Variants in SLC44A5 observed in about 807,000 individuals in gnomAD.
The protein encoded by SLC44A5 is choline transporter-like protein 5.
A neutral mutation model predicts 101.8 loss-of-function variants in SLC44A5; 57 were observed. The observed-to-expected ratio is 0.56, with a 90% CI of 0.45 to 0.70. The LOEUF is 0.70. Ranked by LOEUF, SLC44A5 falls within the 30% of genes least tolerant of loss-of-function variation. The pLI, the probability that SLC44A5 is intolerant of heterozygous loss-of-function variation, is 0.00. For missense variants in SLC44A5, 737 were observed against 853.1 expected (o/e 0.86, Z 1.70); for synonymous variants, 281 against 290.9 (o/e 0.97, Z 0.35).
the SLC44A5 span, among the ~76,000 whole-genome samples, chr1:75,622,206 A>T: frequency 2.0e-5 from 3 of 152,078 alleles, no homozygotes; most frequent in Non-Finnish European, 2.9e-5. Flanking sequence ...GAAGGGCTTA[A>T]ATGCAAATTC....
chr1:75,399,578 CA>C (rs1355943800), intron 2 of SLC44A5, among the ~76,000 whole-genome samples: 10 of 151,706 alleles, frequency 6.6e-5, no homozygotes. Flanking sequence ...TGTTGGGGGA[CA>C]ATTGGGGCAA....
the SLC44A5 span, among the ~76,000 whole-genome samples, chr1:75,638,397 T>A: frequency 6.6e-6 from 1 of 152,068 alleles, no homozygotes; most frequent in Admixed American, 6.6e-5. Flanking sequence ...AGTGTTAATA[T>A]GTATTAAAGT....
At chr1:75,530,118 A>G (rs1390601567) in intron 2 of SLC44A5, among the ~76,000 whole-genome samples, 4 of 152,150 alleles carry the variant, frequency 2.6e-5, no homozygotes, top group African/African-American at 7.2e-5. Context: ...GGTAATAAGA[A>G]ATAAAGAAAG....
At chr1:75,223,575 C>T (rs963977578) in intron 13 of SLC44A5, among the ~76,000 whole-genome samples, 1 of 152,162 alleles carries the variant, frequency 6.6e-6, no homozygotes, top group African/African-American at 2.4e-5. Flanking sequence ...TTAATGGAAA[C>T]TTAAATTCCC....
At chr1:75,324,354 A>C (rs1419897324) in intron 4 of SLC44A5, among the ~76,000 whole-genome samples, 1 of 152,198 alleles carries the variant, frequency 6.6e-6, no homozygotes, top group Admixed American at 6.6e-5. Flanking sequence ...AATAAGAAAT[A>C]ATTCTTTCAA....
chr1:75,608,405 A>G (rs1471049283), intron 1 of SLC44A5, among the ~76,000 whole-genome samples: 1 of 151,816 alleles, frequency 6.6e-6, no homozygotes, highest in Non-Finnish European at 1.5e-5. Context: ...GAAAATTTTT[A>G]AAGAGTTATT....
chr1:75,441,829 T>C (rs1022222374), intron 2 of SLC44A5, among the ~76,000 whole-genome samples: 6 of 152,112 alleles, frequency 3.9e-5, no homozygotes, highest in African/African-American at 1.4e-4. Context: ...TTAGATAGTG[T>C]ATATTAGGAG....
the SLC44A5 span, among the ~76,000 whole-genome samples, chr1:75,722,642 G>T: frequency 6.6e-6 from 1 of 152,166 alleles, no homozygotes; most frequent in Admixed American, 6.5e-5. Flanking sequence ...CAAAAAATAG[G>T]AAGGGCTGTG....
chr1:75,631,569 CAG>C, the SLC44A5 span, among the ~76,000 whole-genome samples: 8 of 94,904 alleles, frequency 8.4e-5, no homozygotes, highest in African/African-American at 3.0e-4. Flanking sequence ...TTTTTTGAGA[CAG>C]AGTTTTGCTC....
chr1:75,458,785 T>C (rs1311536931), intron 2 of SLC44A5, among the ~76,000 whole-genome samples: 1 of 152,228 alleles, frequency 6.6e-6, no homozygotes, highest in African/African-American at 2.4e-5. Flanking sequence ...GAAAGAACTA[T>C]GTTATTTGCT....
At chr1:75,516,574 G>A (rs1045363484) in intron 2 of SLC44A5, among the ~76,000 whole-genome samples, 2 of 151,980 alleles carry the variant, frequency 1.3e-5, no homozygotes, top group Non-Finnish European at 2.9e-5. Flanking sequence ...GATTACATGA[G>A]GTCAAGGTTT....
At chr1:75,538,479 A>G (rs956496367) in intron 2 of SLC44A5, among the ~76,000 whole-genome samples, 4 of 152,208 alleles carry the variant, frequency 2.6e-5, no homozygotes, top group Non-Finnish European at 5.9e-5. Flanking sequence ...ACAATAAAGC[A>G]TTGTCTTTTA....
chr1:75,475,652 C>G (rs1446884771), intron 2 of SLC44A5, among the ~76,000 whole-genome samples: 1 of 152,164 alleles, frequency 6.6e-6, no homozygotes, highest in Non-Finnish European at 1.5e-5. Flanking sequence ...TCAGCCATCT[C>G]CAAACCTTTC....
At chr1:75,312,262 C>T (rs1481633957) in intron 4 of SLC44A5, among the ~76,000 whole-genome samples, 3 of 152,120 alleles carry the variant, frequency 2.0e-5, no homozygotes, top group African/African-American at 7.2e-5. Context: ...AACCTCTTTC[C>T]TTCATAATTC....
chr1:75,447,445 T>C (rs1665652413), intron 2 of SLC44A5, among the ~76,000 whole-genome samples: 1 of 152,176 alleles, frequency 6.6e-6, no homozygotes, highest in Admixed American at 6.5e-5. Context: ...ATAAATAATA[T>C]AGAAAGTGTT....
In SLC44A5 at chr1:75,218,491, G is replaced by A. The variant is rs773428036; in HGVS notation, c.1528C>T (p.Arg510Ter). Residue 510 changes from arginine to a stop codon, truncating the protein, a stop_gained and splice_region_variant, in exon 17 of 24, where the codon CGA (arginine) becomes TGA (stop). Coordinates refer to ENST00000370859, the MANE Select transcript of SLC44A5 (RefSeq NM_001130058.2). LOFTEE classifies it high-confidence loss of function. ...PLFTAFGRAI[R>*]YHTGSLAFGS... ...TGTAGGCTTCAACTTGAAACTTACC[G>A]TATGGCTCGTCCAAATGCAGTAAAA... is the stretch of plus-strand genomic sequence containing the variant. 2.4e-5 allele frequency: 38 copies of A among 1,613,388 alleles called. No individual in the cohort carries two copies. The highest frequency in any genetic ancestry group is 5.3e-5 in the African/African-American group (4 of 74,882).
At chr1:75,707,759 A>G in the SLC44A5 span, among the ~76,000 whole-genome samples, 1 of 152,212 alleles carries the variant, frequency 6.6e-6, no homozygotes, top group Admixed American at 6.5e-5. Flanking sequence ...TGACCTGGAG[A>G]ACAAAACAGA....
chr1:75,353,575 T>A (rs1658846860), intron 3 of SLC44A5, among the ~76,000 whole-genome samples: 1 of 152,208 alleles, frequency 6.6e-6, no homozygotes, highest in Non-Finnish European at 1.5e-5. Context: ...GCTGTCTTTT[T>A]AAAAAATTAT....
chr1:75,312,562 G>A (rs540071715), intron 4 of SLC44A5, among the ~76,000 whole-genome samples: 15 of 152,172 alleles, frequency 9.9e-5, no homozygotes, highest in Non-Finnish European at 1.5e-4. Context: ...TTCTTCTGTG[G>A]CATATGTGAT....
Sources: gnomAD v4.1 joint callset for allele counts (sites outside exome capture counted in the v4.1 genomes callset) on GRCh38, gnomAD v4.1.1 for gene constraint, MANE v1.5 for transcripts, NCBI Gene and HGNC (gene_info 2026-07-23, HGNC 2026-07-21) for gene names.